Variants in SPATA1 observed in about 807,000 individuals in gnomAD.
The protein encoded by SPATA1 is spermatogenesis associated 1, also known as spermatogenesis-associated protein 1.
In SPATA1, 57 loss-of-function variants were observed where a neutral mutation model predicts 59.6. The ratio of observed to expected loss-of-function variants is 0.96; its 90% CI spans 0.77 to 1.19. SPATA1 has a LOEUF of 1.19. SPATA1 is among the 50% of genes most tolerant of loss of function. The pLI, the probability that SPATA1 is intolerant of heterozygous loss-of-function variation, is 0.00. For missense variants in SPATA1, 448 were observed against 480.7 expected (o/e 0.93, Z 0.64); for synonymous variants, 147 against 163.9 (o/e 0.90, Z 0.79).
At chr1:84,558,100 C>A (rs1684501570), downstream of SPATA1, among the ~76,000 whole-genome samples, 1 of 151,936 alleles carries the variant, frequency 6.6e-6, no homozygotes, top group Non-Finnish European at 1.5e-5. Flanking sequence ...CCCGTGGTAA[C>A]TATAGTTAAT....
chr1:84,538,599 A>C (rs932607005), intron 8 of SPATA1, among the ~76,000 whole-genome samples: 4 of 152,186 alleles, frequency 2.6e-5, no homozygotes, highest in Non-Finnish European at 4.4e-5. Context: ...GCTACTATTG[A>C]GAATGAAACA....
chr1:84,530,393 T>C (rs1227102020), intron 6 of SPATA1, among the ~76,000 whole-genome samples: 1 of 151,998 alleles, frequency 6.6e-6, no homozygotes, highest in Non-Finnish European at 1.5e-5. Flanking sequence ...TAGCATGAGG[T>C]TAGGAAAGGG....
At chr1:84,555,116 G>C, downstream of SPATA1, 7 of 1,613,864 alleles carry the variant, frequency 4.3e-6, no homozygotes, top group Non-Finnish European at 5.9e-6. Flanking sequence ...TGCCCCGTAA[G>C]CGATAGTTTT....
intron 4 of SPATA1, among the ~76,000 whole-genome samples, chr1:84,563,581 G>T (rs1684634137): frequency 6.6e-6 from 1 of 151,904 alleles, no homozygotes; most frequent in African/African-American, 2.4e-5. Flanking sequence ...GAAAATGTAT[G>T]ATAATCATAA....
At chr1:84,548,750 CTTTTTTTTTTTT>C (rs56250726) in intron 10 of SPATA1, 24 bp from the exon 11 acceptor site, 28 of 915,356 alleles carry the variant, frequency 3.1e-5, no homozygotes, top group East Asian at 2.5e-4. Flanking sequence ...AAGGCCTTTC[CTTTTTTTTTTTT>C]TTTTTTTTTT....
intron 2 of SPATA1, among the ~76,000 whole-genome samples, chr1:84,517,696 G>C (rs1424507241): frequency 1.3e-5 from 2 of 151,898 alleles, no homozygotes; most frequent in Non-Finnish European, 2.9e-5. Context: ...ACTTCCAATA[G>C]ATTGACTCTG....
chr1:84,524,622 A>G (rs1683146776), intron 4 of SPATA1, among the ~76,000 whole-genome samples: 1 of 152,208 alleles, frequency 6.6e-6, no homozygotes, highest in African/African-American at 2.4e-5. Context: ...GTTCTCAAAT[A>G]TGGCAGACTC....
intron 2 of SPATA1, 54 bp from the exon 3 acceptor site, chr1:84,520,530 AT>A (rs5775789): frequency 0.98 from 957,215 of 975,912 alleles, 469,500 homozygotes; most frequent in African/African-American, 1. Flanking sequence ...ACATCAATTG[AT>A]TTTTTTTTTC....
chr1:84,525,352 T>A (rs2101949011), intron 4 of SPATA1, among the ~76,000 whole-genome samples: 1 of 152,362 alleles, frequency 6.6e-6, no homozygotes, highest in South Asian at 2.1e-4. Context: ...TTTACTAAGT[T>A]GGACTTTGGG....
chr1:84,535,713 G>GTT (rs556024584), intron 8 of SPATA1, among the ~76,000 whole-genome samples: 1 of 147,428 alleles, frequency 6.8e-6, no homozygotes, highest in Admixed American at 6.8e-5. Context: ...GTTCTATCAG[G>GTT]TTTTTTTTTT....
chr1:84,555,330 A>G, downstream of SPATA1: 1 of 621,188 alleles, frequency 1.6e-6, no homozygotes, highest in South Asian at 3.0e-5. Flanking sequence ...TTATTCAAAA[A>G]GGATACAATG....
chr1:84,553,247 T>C lies in SPATA1; in HGVS notation c.*123T>C, dbSNP rs888179396. ...GCACAAGGTTTCTCTTTCTCCACTT[T>C]CCATGTGGGTATTACAAAATGTTTC... On this transcript the variant is annotated 3_prime_UTR_variant, in exon 13 of 13. Transcript: ENST00000490879. 7.1e-6 allele frequency: 4 copies of C among 563,242 alleles called. No individual in the cohort carries two copies. The African/African-American group carries it at 7.8e-5, about 11-fold the overall frequency. The allele number at this position is 563,242 out of a possible 1,614,324, so 34.9% of individuals were successfully genotyped here.
At chr1:84,536,534 C>G (rs1683689626) in intron 8 of SPATA1, among the ~76,000 whole-genome samples, 2 of 152,224 alleles carry the variant, frequency 1.3e-5, no homozygotes, top group Admixed American at 6.5e-5. Context: ...AGCTCCGCCC[C>G]CCGGGTGCAT....
chr1:84,550,440 A>C (rs1684236106), exon 12 of SPATA1: 8 of 1,532,832 alleles, frequency 5.2e-6, no homozygotes, highest in Non-Finnish European at 7.1e-6. Flanking sequence ...AGAATTACCT[A>C]ATAATCCAGA....
chr1:84,525,570 C>T (rs1046446558), intron 4 of SPATA1, 126 bp from the exon 5 acceptor site: 28 of 670,684 alleles, frequency 4.2e-5, no homozygotes, highest in Non-Finnish European at 6.0e-5. Context: ...AGAATCTAGC[C>T]ATAGCTTTTA....
intron 8 of SPATA1, among the ~76,000 whole-genome samples, chr1:84,541,212 G>A (rs1194028712): frequency 6.6e-6 from 1 of 152,142 alleles, no homozygotes; most frequent in East Asian, 1.9e-4. Flanking sequence ...ATTTTTCTAG[G>A]TACACAGTGG....
At position 84,545,775 on chromosome 1, in the gene SPATA1, T is replaced by G; in HGVS notation, c.946+16T>G. On this transcript the variant is annotated intron_variant, in intron 10 of 12. Coordinates refer to ENST00000490879, the Ensembl canonical transcript of SPATA1. ...CGATATCATGGTAAAGTTTATTACA[T>G]ACCTTTTATCACTATAAAGAAAACT... 1 of 1,471,448 alleles carries G rather than the reference T, an allele frequency of 6.8e-7. No individual in the cohort carries two copies. Among genetic ancestry groups the G allele is most frequent in the Non-Finnish European group, 8.9e-7 (1 of 1,117,368 alleles). The allele number at this position is 1,471,448 out of a possible 1,614,324, so 91.1% of individuals were successfully genotyped here. A position where few individuals can be genotyped will look rare whatever the true frequency, so the allele number is the denominator to read the frequency against.
At position 84,509,587 on chromosome 1, in the gene SPATA1, G is replaced by A. The variant is rs562004783; in HGVS notation, c.-138+3169G>A. On this transcript the variant is annotated intron_variant, in intron 1 of 12. Transcript: ENST00000490879. ...CAGGCCAGCCTGGCCAACATATAGT[G>A]AAATCCTGTCTCTACTAAGAATACA... Among the ~76,000 whole-genome samples, 24 of 152,228 alleles carry A rather than the reference G, an allele frequency of 1.6e-4. No homozygotes were observed. In the East Asian group the frequency reaches 4.7e-3, roughly 30 times the overall value.
intron 6 of SPATA1, among the ~76,000 whole-genome samples, chr1:84,529,107 A>T (rs1683354337): frequency 6.6e-6 from 1 of 152,112 alleles, no homozygotes; most frequent in Non-Finnish European, 1.5e-5. Context: ...TATATCTGGC[A>T]GGGTGATTTC....
Sources: gnomAD v4.1 joint callset for allele counts (sites outside exome capture counted in the v4.1 genomes callset) on GRCh38, gnomAD v4.1.1 for gene constraint, MANE v1.5 for transcripts, NCBI Gene and HGNC (gene_info 2026-07-23, HGNC 2026-07-21) for gene names.